Variants in ANKRD35 observed in about 807,000 individuals in gnomAD.
ANKRD35 encodes ankyrin repeat domain-containing protein 35.
ANKRD35 carries 102 observed loss-of-function variants against 109.9 expected under a neutral mutation model. The ratio of observed to expected loss-of-function variants is 0.93; its 90% CI spans 0.79 to 1.09. ANKRD35 has a LOEUF of 1.09. ANKRD35 is among the 50% of genes least tolerant of loss of function. The pLI, the probability that ANKRD35 is intolerant of heterozygous loss-of-function variation, is 0.00. For missense variants in ANKRD35, 1,240 were observed against 1,230.1 expected (o/e 1.01, Z -0.12); for synonymous variants, 515 against 512.4 (o/e 1.01, Z -0.07).
intron 1 of ANKRD35, among the ~76,000 whole-genome samples, chr1:145,880,263 C>G (rs587610240): frequency 1.3e-5 from 2 of 152,176 alleles, no homozygotes; most frequent in South Asian, 4.1e-4. Flanking sequence ...TGTAAAAACA[C>G]CCAGGGCTGA....
At chr1:145,868,458 G>A (rs1480585764) in intron 10 of ANKRD35, 58 bp from the exon 11 acceptor site, 14 of 1,478,510 alleles carry the variant, frequency 9.5e-6, no homozygotes, top group East Asian at 6.8e-5. Context: ...TCCCACAAGG[G>A]TCAAGGTCAG....
chr1:145,875,012 G>A lies in ANKRD35; in HGVS notation c.561-6C>T, dbSNP rs369774037. 1.3e-6 allele frequency: 2 copies of A among 1,588,938 alleles called. No homozygotes were observed. Among genetic ancestry groups the A allele is most frequent in the African/African-American group, 2.7e-5 (2 of 74,244 alleles). On this transcript the variant is annotated splice_region_variant and splice_polypyrimidine_tract_variant and intron_variant, in intron 7 of 13. Transcript: ENST00000355594. ...AGGCCAGGATCAAAGCCGATCTGTG[G>A]GTTGAGACAAATCTGAGCACAGACT... is the stretch of plus-strand genomic sequence containing the variant.
chr1:145,868,867 G>T (rs1241723082), intron 10 of ANKRD35, among the ~76,000 whole-genome samples: 1 of 152,116 alleles, frequency 6.6e-6, no homozygotes, highest in Non-Finnish European at 1.5e-5. Flanking sequence ...TACCAGTTCT[G>T]AATTGGAATT....
At chr1:145,870,087 C>CT (rs1653753539) in intron 10 of ANKRD35, among the ~76,000 whole-genome samples, 2 of 127,808 alleles carry the variant, frequency 1.6e-5, no homozygotes, top group South Asian at 5.3e-4. Context: ...CCAAGAGTTC[C>CT]AAATTTTTTT....
At position 145,873,859 on chromosome 1, in the gene ANKRD35, C is replaced by G; in HGVS notation, c.910G>C (p.Glu304Gln). 1 of 1,613,628 alleles carries G rather than the reference C, an allele frequency of 6.2e-7. No homozygotes were observed. The highest frequency in any genetic ancestry group is 8.5e-7 in the Non-Finnish European group (1 of 1,179,780). The change falls in exon 10 of 14, where the codon GAG becomes CAG. Residue 304 changes from glutamate to glutamine, a missense_variant. Coordinates refer to ENST00000355594, the MANE Select transcript of ANKRD35 (RefSeq NM_144698.5). The part of the protein sequence containing the change: ...CSEEWRWKYE[E>Q]ERRKVVRLEQ... ...AGCCGAACAACTTTCCTCCGCTCCT[C>G]TTCATACTTCCACCTCCACTCCTCC...
In ANKRD35 at chr1:145,879,373, G is replaced by T; in HGVS notation, c.55C>A (p.Arg19Ser). The part of the protein sequence containing the change: ...STQVAVERWN[R>S]HDQKLLEAVH... ...GCCTCCAGCAGCTTCTGATCATGGC[G>T]GTTCCATCTCTCCACCTGGTCCAGA... The change falls in exon 2 of 14, where the codon CGC becomes AGC. Residue 19 changes from arginine (R) to serine (S), a missense_variant. Coordinates refer to ENST00000355594, the MANE Select transcript of ANKRD35 (RefSeq NM_144698.5). 6.3e-7 allele frequency: 1 copy of T among 1,582,790 alleles called. No individual in the cohort carries two copies. Among genetic ancestry groups the T allele is most frequent in the Admixed American group, 1.8e-5 (1 of 56,438 alleles).
intron 8 of ANKRD35, 148 bp downstream of exon 8, chr1:145,874,674 G>C (rs1241949295): frequency 2.5e-5 from 25 of 990,088 alleles, no homozygotes; most frequent in Non-Finnish European, 3.4e-5. Context: ...GGGATTTGGG[G>C]TCCTCTCACA....
At position 145,873,440 on chromosome 1, in the gene ANKRD35, T is replaced by TTGCTGTCC. The variant is rs1653930747; in HGVS notation, c.1321_1328dup (p.Leu444AspfsTer4). 1 of 1,613,972 alleles carries TTGCTGTCC rather than the reference T, an allele frequency of 6.2e-7. No individual in the cohort carries two copies. Among genetic ancestry groups the TTGCTGTCC allele is most frequent in the African/African-American group, 1.3e-5 (1 of 74,924 alleles). Reference sequence around the variant, plus strand: ...AGGTCTGTGCCCCATTGGTAGTCAGTTGCTGTCCTGTGGCTTTCCTGATGG... The same window carrying TTGCTGTCC: ...AGGTCTGTGCCCCATTGGTAGTCAGTTGCTGTCCTGCTGTCCTGTGGCTTTCCTGATGG... On this transcript the variant is annotated frameshift_variant, in exon 10 of 14. Coordinates refer to ENST00000355594, the MANE Select transcript of ANKRD35 (RefSeq NM_144698.5). LOFTEE classifies it high-confidence loss of function.
chr1:145,874,270 T>G, intron 8 of ANKRD35, 78 bp from the exon 9 acceptor site: 1 of 1,507,692 alleles, frequency 6.6e-7, no homozygotes, highest in Non-Finnish European at 9.2e-7. Flanking sequence ...ATCTTCAGAC[T>G]TTTTCTGAGA....
intron 7 of ANKRD35, 152 bp from the exon 8 acceptor site, chr1:145,875,158 T>A (rs1470769263): frequency 1.5e-6 from 1 of 684,640 alleles, no homozygotes; most frequent in African/African-American, 1.9e-5. Context: ...TCTTTTTTTT[T>A]TTTTGAGACG....
At position 145,884,466 on chromosome 1, in the gene ANKRD35, TC is replaced by T. The variant is rs1350644589; in HGVS notation, c.39+1253del. ...TTTTCTTATGAACGATACTACTAAGTCAAGTTAGCAAAGCAATATTGCTACA... is the reference window on the plus strand; with the variant it reads ...TTTTCTTATGAACGATACTACTAAGTAAGTTAGCAAAGCAATATTGCTACA... On this transcript the variant is annotated intron_variant, in intron 1 of 13. Coordinates refer to ENST00000355594, the MANE Select transcript of ANKRD35 (RefSeq NM_144698.5). Among the ~76,000 whole-genome samples the T allele has an allele frequency of 5.9e-5, 9 of 152,284 alleles. No homozygotes were observed. The East Asian group carries it at 1.7e-3, about 29-fold the overall frequency.
At chr1:145,867,874 C>A in intron 12 of ANKRD35, 117 bp downstream of exon 12, 1 of 979,532 alleles carries the variant, frequency 1.0e-6, no homozygotes, top group Non-Finnish European at 1.6e-6. Flanking sequence ...CTGGATCCAG[C>A]TTTCCGAGAA....
chr1:145,869,185 TTTTG>T lies in ANKRD35; in HGVS notation c.2788-789_2788-786del, dbSNP rs1182108856. On this transcript the variant is annotated intron_variant, in intron 10 of 13. Transcript: ENST00000355594. ...GAAGGAAGTTTGTTTTTTTGTTTTTTTTTGTTTGTTTGTTTTTTAGACTGAGTCT... is the reference window on the plus strand; with the variant it reads ...GAAGGAAGTTTGTTTTTTTGTTTTTTTTTGTTTGTTTTTTAGACTGAGTCT... Among the ~76,000 whole-genome samples, 6 of 152,046 alleles carry T rather than the reference TTTTG, an allele frequency of 3.9e-5. 1 individual carries two copies. Among genetic ancestry groups the T allele is most frequent in the African/African-American group, 9.6e-5 (4 of 41,468 alleles).
At position 145,874,823 on chromosome 1, in the gene ANKRD35, G is replaced by A. The variant is rs1296478314; in HGVS notation, c.744C>T (p.Gly248=). The A allele has an allele frequency of 1.5e-5, 24 of 1,585,642 alleles. No individual in the cohort carries two copies. Among genetic ancestry groups the A allele is most frequent in the African/African-American group, 2.7e-5 (2 of 73,568 alleles). ...LQQALSRRRR[G]GQRLVQHPDL... ...TGGAAGTTACACAAGGGCCTTTACC[G>A]CCCCGCCGCCGCCGGCTCAGGGCCT... The change falls in exon 8 of 14, where the codon GGC becomes GGT. Residue 248 remains glycine (G), a splice_region_variant and synonymous_variant. Transcript: ENST00000355594.
At position 145,874,305 on chromosome 1, in the gene ANKRD35, T is replaced by G. The variant is rs587764925; in HGVS notation, c.746-113A>C. ...AGGAGTGGCCTCTCTGTGATCAATC[T>G]CACTGCACATCTTCCTGGTGCCAGA... On this transcript the variant is annotated intron_variant, in intron 8 of 13. Coordinates refer to ENST00000355594, the MANE Select transcript of ANKRD35 (RefSeq NM_144698.5). 18 of 1,123,404 alleles carry G rather than the reference T, an allele frequency of 1.6e-5. 1 individual carries two copies. The South Asian group carries it at 2.2e-4, about 14-fold the overall frequency. The allele number at this position is 1,123,404 out of a possible 1,614,324, so 69.6% of individuals were successfully genotyped here. A position where few individuals can be genotyped will look rare whatever the true frequency, so the allele number is the denominator to read the frequency against.
At chr1:145,867,164 G>A in intron 13 of ANKRD35, 123 bp downstream of exon 13, 1 of 638,836 alleles carries the variant, frequency 1.6e-6, no homozygotes, top group Non-Finnish European at 2.8e-6. Context: ...AATGCTCTAT[G>A]CCCCAAAAGG....
intron 4 of ANKRD35, among the ~76,000 whole-genome samples, chr1:145,877,403 T>G (rs1570803900): frequency 6.6e-6 from 1 of 151,914 alleles, no homozygotes; most frequent in Non-Finnish European, 1.5e-5. Flanking sequence ...CAGCTAATCT[T>G]TTGTATTTTT....
Position 145,874,932 on chromosome 1 carries a change from G to A in ANKRD35, c.635C>T (p.Ala212Val), listed in dbSNP as rs143493625. 30 of 1,613,236 alleles carry A rather than the reference G, an allele frequency of 1.9e-5. No individual in the cohort carries two copies. The highest frequency in any genetic ancestry group is 8.0e-5 in the African/African-American group (6 of 74,878). ...AELLLSHGAD[A>V]GAVDSTGHDA... Reference sequence around the variant, plus strand: ...ATGCCCTGTGCTGTCCACAGCCCCCGCGTCAGCTCCGTGGCTCAGGAGCAG... The same window carrying A: ...ATGCCCTGTGCTGTCCACAGCCCCCACGTCAGCTCCGTGGCTCAGGAGCAG... The change falls in exon 8 of 14, where the codon GCG becomes GTG. Residue 212 changes from alanine (A) to valine (V), a missense_variant. Physicochemically the swap from Ala to Val is moderately conservative, Grantham distance 64. Coordinates refer to ENST00000355594, the MANE Select transcript of ANKRD35 (RefSeq NM_144698.5).
intron 12 of ANKRD35, 81 bp downstream of exon 12, chr1:145,867,910 G>A: frequency 1.5e-6 from 2 of 1,372,344 alleles, no homozygotes; most frequent in Non-Finnish European, 2.1e-6. Flanking sequence ...AGGGACCCTG[G>A]AGAAGAGAGA....
Sources: allele counts gnomAD v4.1 joint callset (sites outside exome capture counted in the v4.1 genomes callset), GRCh38; gene constraint gnomAD v4.1.1; transcripts MANE v1.5; gene names NCBI Gene and HGNC (gene_info 2026-07-23, HGNC 2026-07-21).